The following ANPEP variants were observed in gnomAD, a reference collection of about 807,000 sequenced individuals.
The protein encoded by ANPEP is aminopeptidase N.
In ANPEP, 70 loss-of-function variants were observed where a neutral mutation model predicts 114.6. The ratio of observed to expected loss-of-function variants is 0.61; its 90% CI spans 0.50 to 0.75. The LOEUF is 0.75. Ranked by LOEUF, ANPEP falls within the 30% of genes least tolerant of loss-of-function variation. The pLI is 0.00. For missense variants in ANPEP, 1,184 were observed against 1,259.5 expected (o/e 0.94, Z 0.91); for synonymous variants, 548 against 522.3 (o/e 1.05, Z -0.67).
chr15:89,798,034 G>C (rs1018103739), intron 14 of ANPEP, among the ~76,000 whole-genome samples: 1 of 152,250 alleles, frequency 6.6e-6, no homozygotes, highest in African/African-American at 2.4e-5. Context: ...CTTGCCCAAG[G>C]TCACACACCT....
intron 1 of ANPEP, among the ~76,000 whole-genome samples, chr15:89,807,511 C>T (rs1894739263): frequency 6.6e-6 from 1 of 152,018 alleles, no homozygotes; most frequent in African/African-American, 2.4e-5. Context: ...CCAGCCTGGC[C>T]AACATGGCGA....
At chr15:89,801,707 C>T in intron 10 of ANPEP, 100 bp from the exon 11 acceptor site, 1 of 1,395,108 alleles carries the variant, frequency 7.2e-7, no homozygotes. Context: ...CGGGGGGCCA[C>T]TTGTATGGGA....
At chr15:89,798,210 GCTTAGAGTACCT>G (rs1968766808) in intron 14 of ANPEP, among the ~76,000 whole-genome samples, 1 of 152,190 alleles carries the variant, frequency 6.6e-6, no homozygotes, top group South Asian at 2.1e-4. Context: ...ATGTCCAAGA[GCTTAGAGTACCT>G]CACCCCAAAC....
At chr15:89,804,161 C>T (rs1282749629) in intron 6 of ANPEP, 92 bp downstream of exon 6, 5 of 1,584,938 alleles carry the variant, frequency 3.2e-6, no homozygotes, top group Admixed American at 3.4e-5. Flanking sequence ...ACCCTCCTCC[C>T]TTCTCAGCAG....
chr15:89,790,492 G>C lies in ANPEP; in HGVS notation c.2719C>G (p.Arg907Gly). The C allele has an allele frequency of 6.2e-7, 1 of 1,614,034 alleles. No homozygotes were observed. The highest frequency in any genetic ancestry group is 8.5e-7 in the Non-Finnish European group (1 of 1,179,934). ...SFSNLIQAVT[R>G]RFSTEYELQQ... The stretch of plus-strand genomic sequence containing the variant: ...AGCTCATACTCGGTGGAGAATCGTC[G>C]TGTCACTGCCTGGATGAGGTTGGAG... Residue 907 changes from arginine to glycine, a missense_variant, in exon 20 of 21, where the codon CGA becomes GGA. Arg to Gly is a moderately radical substitution (Grantham distance 125). Transcript: ENST00000300060.
chr15:89,786,161 A>G (rs185505310), intron 20 of ANPEP, among the ~76,000 whole-genome samples: 2 of 152,340 alleles, frequency 1.3e-5, no homozygotes, highest in Admixed American at 1.3e-4. Context: ...CATTTACGAT[A>G]GCATCAACAA....
intron 12 of ANPEP, among the ~76,000 whole-genome samples, chr15:89,800,172 A>C (rs1220857875): frequency 1.3e-5 from 2 of 152,084 alleles, no homozygotes; most frequent in Non-Finnish European, 2.9e-5. Flanking sequence ...CTCAGTCCCC[A>C]CACTCTCTCC....
At chr15:89,797,745 A>C in intron 14 of ANPEP, 23 bp from the exon 15 acceptor site, 2 of 1,613,428 alleles carry the variant, frequency 1.2e-6, no homozygotes, top group Middle Eastern at 3.3e-4. Flanking sequence ...AGAGGGGCCC[A>C]AGTAAAGCAC....
intron 19 of ANPEP, 38 bp downstream of exon 19, chr15:89,790,915 G>C (rs77935658): frequency 1.6e-5 from 25 of 1,604,780 alleles, no homozygotes; most frequent in Non-Finnish European, 2.0e-5. Context: ...CCCCAGCCTC[G>C]GCGCTCGCTG....
intron 1 of ANPEP, among the ~76,000 whole-genome samples, chr15:89,811,643 C>T (rs1894817565): frequency 6.9e-6 from 1 of 145,874 alleles, no homozygotes; most frequent in Admixed American, 6.9e-5. Flanking sequence ...GAGACTCCAT[C>T]TCAAGTAAAA....
Position 89,799,388 on chromosome 15 carries a change from T to TGGGGCAG in ANPEP, c.1953+31_1953+37dup, listed in dbSNP as rs753911443. 59 of 1,613,918 alleles carry TGGGGCAG rather than the reference T, an allele frequency of 3.7e-5. No homozygotes were observed. The highest frequency in any genetic ancestry group is 1.6e-4 in the African/African-American group (12 of 74,894). On this transcript the variant is annotated intron_variant, in intron 13 of 20. Coordinates refer to ENST00000300060, the MANE Select transcript of ANPEP (RefSeq NM_001150.3). The surrounding 1 kb of genome is among the most constrained non-coding windows in gnomAD (Gnocchi z 4.2). ...AGGCCTTGCAGTCTGGTGCCTGTCC[T>TGGGGCAG]GGGGCAGGGGGCAGGGCGAGGGGTG...
In ANPEP at chr15:89,801,663, C is replaced by T. The variant is rs1394534075; in HGVS notation, c.1570-56G>A. 3 of 1,579,754 alleles carry T rather than the reference C, an allele frequency of 1.9e-6. No homozygotes were observed. In the African/African-American group the frequency reaches 4.0e-5, roughly 21 times the overall value. On this transcript the variant is annotated intron_variant, in intron 10 of 20. Coordinates refer to ENST00000300060, the MANE Select transcript of ANPEP (RefSeq NM_001150.3). ...AGTGGGACCCTCCAGTCCCTGCCATCCAGGGCATCTCCTGCAGATTCTCGC... is the reference window on the plus strand; with the variant it reads ...AGTGGGACCCTCCAGTCCCTGCCATTCAGGGCATCTCCTGCAGATTCTCGC...
chr15:89,788,101 G>T (rs1968539439), intron 20 of ANPEP, among the ~76,000 whole-genome samples: 1 of 152,208 alleles, frequency 6.6e-6, no homozygotes, highest in Non-Finnish European at 1.5e-5. Flanking sequence ...TAAACACAGA[G>T]TAACCAAATG....
chr15:89,808,415 G>GAC (rs1894762287), intron 1 of ANPEP, among the ~76,000 whole-genome samples: 1 of 152,234 alleles, frequency 6.6e-6, no homozygotes, highest in African/African-American at 2.4e-5. Context: ...TTGAGTCCTG[G>GAC]ACTGCAGGCC....
intron 14 of ANPEP, among the ~76,000 whole-genome samples, chr15:89,798,237 T>C (rs375990896): frequency 1.3e-5 from 2 of 152,148 alleles, no homozygotes; most frequent in South Asian, 2.1e-4. Flanking sequence ...CCAAACAGAG[T>C]AGGTGCTCAA....
At chr15:89,788,509 A>G (rs984539968) in intron 20 of ANPEP, among the ~76,000 whole-genome samples, 12 of 152,184 alleles carry the variant, frequency 7.9e-5, no homozygotes, top group Non-Finnish European at 1.8e-4. Context: ...AATGAGTACA[A>G]GGTTTTTTTT....
chr15:89,803,626 C>T lies in ANPEP; in HGVS notation c.1437+21G>A, dbSNP rs8192294. 4.4e-6 allele frequency: 7 copies of T among 1,606,516 alleles called. No individual in the cohort carries two copies. The African/African-American group carries it at 8.0e-5, about 18-fold the overall frequency. ...CAAGTCCCCACCTCCTTCCCCGTGC[C>T]CCACGAGGAGCGGGCTGCACCTTGC... On this transcript the variant is annotated intron_variant, in intron 8 of 20. Coordinates refer to ENST00000300060, the MANE Select transcript of ANPEP (RefSeq NM_001150.3). This position sits in a 1 kb window ranked among gnomAD's most constrained non-coding sequence, Gnocchi z 4.2.
rs769968057 is a variant in ANPEP, at chr15:89,803,299, G to C, written c.1509C>G (p.Tyr503Ter). 7.4e-6 allele frequency: 12 copies of C among 1,614,016 alleles called. No homozygotes were observed. Among genetic ancestry groups the C allele is most frequent in the Non-Finnish European group, 1.0e-5 (12 of 1,179,984 alleles). ...EDVFKQGLAS[Y>*]LHTFAYQNTI... is the part of the protein sequence containing the mutation. ...TGTTCTGGTAGGCAAAGGTGTGGAG[G>C]TAGGACTGTGGAAAGACGGGGCACA... is the stretch of plus-strand genomic sequence containing the variant. The change falls in exon 10 of 21, where the codon TAC (tyrosine) becomes TAG (stop). Residue 503 changes from tyrosine to a stop codon, truncating the protein, a stop_gained. Transcript: ENST00000300060. LOFTEE classifies it high-confidence loss of function. This position sits in a 1 kb window ranked among gnomAD's most constrained non-coding sequence, Gnocchi z 4.2.
At position 89,792,224 on chromosome 15, in the gene ANPEP, C is replaced by T; in HGVS notation, c.2464G>A (p.Val822Ile). ...GCCCGGAGCTTGTCAGCCTCATTGA[C>T]CAGTGTGGCATTTCGGAACTGCTCC... ...AWEQFRNATLVNEADKLRAAL... is the reference protein window; with the variant it reads ...AWEQFRNATLINEADKLRAAL... Residue 822 changes from valine to isoleucine, a missense_variant, in exon 18 of 21, where the codon GTC becomes ATC. Val to Ile is a conservative substitution (Grantham distance 29). Coordinates refer to ENST00000300060, the MANE Select transcript of ANPEP (RefSeq NM_001150.3). 6.2e-7 allele frequency: 1 copy of T among 1,614,204 alleles called. No homozygotes were observed. Among genetic ancestry groups the T allele is most frequent in the South Asian group, 1.1e-5 (1 of 91,084 alleles).
Sources: gnomAD v4.1 joint callset for allele counts (sites outside exome capture counted in the v4.1 genomes callset) on GRCh38, gnomAD v4.1.1 for gene constraint, Gnocchi (gnomAD v3.1) non-coding constraint, MANE v1.5 for transcripts, NCBI Gene and HGNC (gene_info 2026-07-23, HGNC 2026-07-21) for gene names.